TPTE: variants seen among roughly 807,000 people sequenced by gnomAD.
The protein encoded by TPTE is putative tyrosine-protein phosphatase TPTE.
In TPTE, 59 loss-of-function variants were observed where a neutral mutation model predicts 84.1. That is an observed-to-expected ratio of 0.70 (90% confidence interval 0.57 to 0.87). The LOEUF is 0.87. Among genes scored for constraint, TPTE ranks in the 40% least tolerant of loss-of-function variants. The pLI, the probability that TPTE is intolerant of heterozygous loss-of-function variation, is 0.00. For missense variants in TPTE, 382 were observed against 659.6 expected, an observed-to-expected ratio of 0.58 and a Z score of 4.61; for synonymous variants, 130 against 223.5, an observed-to-expected ratio of 0.58 and a Z score of 3.73.
chr21:10,580,052 A>T (rs911289288), intron 17 of TPTE, among the ~76,000 whole-genome samples: 1 of 152,312 alleles, frequency 6.6e-6, no homozygotes, highest in Non-Finnish European at 1.5e-5. Flanking sequence ...GACCATCCTA[A>T]CAGGTGTGAG....
chr21:10,523,450 C>G (rs75902934), intron 1 of TPTE, among the ~76,000 whole-genome samples: 1 of 128,412 alleles, frequency 7.8e-6, no homozygotes, highest in Non-Finnish European at 1.6e-5. Context: ...TCCCTCCCCC[C>G]TCCCCCCACC....
At chr21:10,562,481 CTG>C (rs1244951607) in intron 10 of TPTE, among the ~76,000 whole-genome samples, 14 of 152,416 alleles carry the variant, frequency 9.2e-5, no homozygotes, top group African/African-American at 2.6e-4. Context: ...ATCAAAATAA[CTG>C]TGTTGAGGAA....
At chr21:10,537,917 A>G (rs1168582910) in intron 3 of TPTE, among the ~76,000 whole-genome samples, 10 of 152,304 alleles carry the variant, frequency 6.6e-5, no homozygotes, top group Non-Finnish European at 1.5e-4. Context: ...TGATCTCACT[A>G]TAGGATATGA....
Position 10,569,436 on chromosome 21 carries a change from G to A in TPTE, c.567-1G>A. 6.2e-7 allele frequency: 1 copy of A among 1,612,476 alleles called. No individual in the cohort carries two copies. Among genetic ancestry groups the A allele is most frequent in the Non-Finnish European group, 8.5e-7 (1 of 1,179,432 alleles). ...AATGGATCGTTTAAATTTATTCTTA[G>A]ATGGACACATTTACTTCGACTTCTA... is the stretch of plus-strand genomic sequence containing the variant. On this transcript the variant is annotated splice_acceptor_variant, in intron 11 of 23. Transcript: ENST00000618007. LOFTEE classifies it high-confidence loss of function.
chr21:10,578,015 G>A (rs1356536402), intron 15 of TPTE, among the ~76,000 whole-genome samples: 1 of 152,308 alleles, frequency 6.6e-6, no homozygotes, highest in Non-Finnish European at 1.5e-5. Context: ...ATTTTCAGGG[G>A]GCAAACATTT....
At chr21:10,598,204 A>T in intron 21 of TPTE, 110 bp downstream of exon 21, 1 of 1,489,832 alleles carries the variant, frequency 6.7e-7, no homozygotes, top group Non-Finnish European at 9.2e-7. Context: ...GAGATTCCAT[A>T]ACGCTTTCTG....
chr21:10,576,053 G>A (rs1483607609), intron 14 of TPTE, among the ~76,000 whole-genome samples: 1 of 152,306 alleles, frequency 6.6e-6, no homozygotes, highest in Non-Finnish European at 1.5e-5. Flanking sequence ...AATACCATCA[G>A]ACCCAGCAAT....
chr21:10,554,161 A>G (rs1187981752), intron 8 of TPTE, among the ~76,000 whole-genome samples: 2 of 152,308 alleles, frequency 1.3e-5, no homozygotes, highest in African/African-American at 2.4e-5. Flanking sequence ...ATATATATTC[A>G]TGTGCACTTA....
At chr21:10,559,675 A>T in intron 9 of TPTE, 131 bp downstream of exon 9, 1 of 1,361,808 alleles carries the variant, frequency 7.3e-7, no homozygotes, top group Non-Finnish European at 1.0e-6. Context: ...GGAGTTCAAG[A>T]CCAGCCTGGC....
chr21:10,533,075 T>A (rs1443021806), intron 3 of TPTE, among the ~76,000 whole-genome samples: 2 of 152,306 alleles, frequency 1.3e-5, no homozygotes, highest in East Asian at 3.8e-4. Context: ...CTTCTTAGAT[T>A]TCCATATTCT....
At chr21:10,565,609 C>A (rs2074904448) in intron 10 of TPTE, among the ~76,000 whole-genome samples, 1 of 152,308 alleles carries the variant, frequency 6.6e-6, no homozygotes, top group South Asian at 2.1e-4. Flanking sequence ...TCAAATTATA[C>A]TACAGAACTA....
chr21:10,566,501 C>T (rs2074924304), intron 10 of TPTE, among the ~76,000 whole-genome samples: 1 of 152,312 alleles, frequency 6.6e-6, no homozygotes, highest in Non-Finnish European at 1.5e-5. Flanking sequence ...AATCCCACTG[C>T]TGGGTAGATA....
chr21:10,566,437 A>G (rs1324414792), intron 10 of TPTE, among the ~76,000 whole-genome samples: 1 of 152,310 alleles, frequency 6.6e-6, no homozygotes, highest in Non-Finnish European at 1.5e-5. Flanking sequence ...CCAATTGGAG[A>G]ACAGTTTGGA....
chr21:10,594,377 G>T (rs1173189515), intron 19 of TPTE, among the ~76,000 whole-genome samples: 1 of 152,310 alleles, frequency 6.6e-6, no homozygotes, highest in Non-Finnish European at 1.5e-5. Flanking sequence ...TATTTGAAGT[G>T]GTGACTTCTG....
At chr21:10,559,330 G>A (rs539376445) in intron 8 of TPTE, among the ~76,000 whole-genome samples, 164 bp from the exon 9 acceptor site, 49 of 152,388 alleles carry the variant, frequency 3.2e-4, no homozygotes, top group African/African-American at 1.2e-3. Context: ...TACTCATGGA[G>A]CAGGAAGAAT....
intron 8 of TPTE, among the ~76,000 whole-genome samples, chr21:10,553,358 G>C (rs1600891164): frequency 1.3e-5 from 2 of 152,304 alleles, no homozygotes; most frequent in South Asian, 4.1e-4. Flanking sequence ...TTGTGTCAAT[G>C]CTGGAGAGGA....
intron 14 of TPTE, chr21:10,576,684 G>T (rs1162024955): frequency 6.6e-6 from 1 of 152,322 alleles, no homozygotes; most frequent in African/African-American, 2.4e-5. Flanking sequence ...TTAAAATTTT[G>T]TGTCATTTTT....
chr21:10,579,249 C>T (rs2075225826), intron 17 of TPTE, among the ~76,000 whole-genome samples: 1 of 152,312 alleles, frequency 6.6e-6, no homozygotes, highest in Non-Finnish European at 1.5e-5. Context: ...AGGCTGGGCA[C>T]AGTGGCTCAC....
chr21:10,596,261 G>T (rs2075587205), intron 20 of TPTE, among the ~76,000 whole-genome samples, 174 bp downstream of exon 20: 1 of 152,184 alleles, frequency 6.6e-6, no homozygotes, highest in African/African-American at 2.4e-5. Context: ...ATTGCCCATT[G>T]ATTGCCAGCC....
Sources: allele counts gnomAD v4.1 joint callset (sites outside exome capture counted in the v4.1 genomes callset), GRCh38; gene constraint gnomAD v4.1.1; transcripts MANE v1.5; gene names NCBI Gene and HGNC (gene_info 2026-07-23, HGNC 2026-07-21).